The following FOXI2 variants were observed in gnomAD, a reference collection of about 807,000 sequenced individuals.
FOXI2 encodes the protein forkhead box I2, also known as forkhead box protein I2.
FOXI2 carries 17 observed loss-of-function variants against 14.3 expected under a neutral mutation model. The observed-to-expected ratio is 1.19, with a 90% CI of 0.81 to 1.78. The LOEUF is 1.78. FOXI2 is among the 40% of genes most tolerant of loss of function. FOXI2 has a pLI of 0.00. For missense variants in FOXI2, 541 were observed against 460.0 expected (o/e 1.18, Z -1.61); for synonymous variants, 240 against 218.8 (o/e 1.10, Z -0.85).
At position 127,737,683 on chromosome 10, in the gene FOXI2, C is replaced by T; in HGVS notation, c.410C>T (p.Pro137Leu). 1 of 1,602,106 alleles carries T rather than the reference C, an allele frequency of 6.2e-7. No homozygotes were observed. Among genetic ancestry groups the T allele is most frequent in the African/African-American group, 1.3e-5 (1 of 74,712 alleles). The stretch of plus-strand genomic sequence containing the variant: ...TACCAGTACGTGGCTGGTAACTTCC[C>T]TTTCTACAAGCGCAGCAAGGCGGGC... ...QIYQYVAGNFPFYKRSKAGWQ... is the reference protein window; with the variant it reads ...QIYQYVAGNFLFYKRSKAGWQ... Residue 137 changes from proline to leucine, a missense_variant, in exon 1 of 2, where the codon CCT (proline) becomes CTT (leucine). Physicochemically the swap from Pro to Leu is moderately conservative, Grantham distance 98 (BLOSUM62 -3). Transcript: ENST00000388920.
rs1452492029 is a variant in FOXI2, at chr10:127,738,615, G to T, written c.607G>T (p.Ala203Ser). The change falls in exon 2 of 2, where the codon GCG (alanine) becomes TCG (serine). Residue 203 changes from alanine to serine, a missense_variant. Ala to Ser is a moderately conservative substitution (Grantham distance 99). Transcript: ENST00000388920. ...RKRKRRAEASAAVRSGARSVG... is the reference protein window; with the variant it reads ...RKRKRRAEASSAVRSGARSVG... The stretch of plus-strand genomic sequence containing the variant: ...GAGGAAGAGGAGAGCTGAAGCCAGC[G>T]CGGCCGTGCGCTCGGGAGCCAGGAG... 1 of 1,607,592 alleles carries T rather than the reference G, an allele frequency of 6.2e-7. No individual in the cohort carries two copies. The highest frequency in any genetic ancestry group is 1.1e-5 in the South Asian group (1 of 90,088).
rs1763166313 is a variant in FOXI2, at chr10:127,740,144, T to TGC, written c.*1179_*1180insGC. 1 of 107,058 alleles carries TGC rather than the reference T, an allele frequency of 9.3e-6. No individual in the cohort carries two copies. Among genetic ancestry groups the TGC allele is most frequent in the Admixed American group, 8.9e-5 (1 of 11,260 alleles). 6.6% of individuals were successfully genotyped at this position (107,058 alleles called of 1,614,324 possible). On this transcript the variant is annotated 3_prime_UTR_variant, in exon 2 of 2. Coordinates refer to ENST00000388920, the MANE Select transcript of FOXI2 (RefSeq NM_207426.3). ...TCACACCCACACACACCCACACTCA[T>TGC]ACTCACACCCACACCCACACTCATA...
rs75488244 is a variant in FOXI2, at chr10:127,740,271, A to T, written c.*1306A>T. The T allele has an allele frequency of 0.045, 6,841 of 152,126 alleles. 421 individuals carry two copies. The highest frequency in any genetic ancestry group is 0.16 in the East Asian group (826 of 5,120). The allele number at this position is 152,126 out of a possible 1,614,324, so 9.4% of individuals were successfully genotyped here. A position where few individuals can be genotyped will look rare whatever the true frequency, so the allele number is the denominator to read the frequency against. On this transcript the variant is annotated 3_prime_UTR_variant, in exon 2 of 2. Coordinates refer to ENST00000388920, the MANE Select transcript of FOXI2 (RefSeq NM_207426.3). ...CTTGTTTTGGTCTCTTTCCCCTCCA[A>T]ACCCACAGTTTGAGCCAAAGCTGTG...
At position 127,737,529 on chromosome 10, in the gene FOXI2, C is replaced by G; in HGVS notation, c.256C>G (p.Leu86Val). The G allele has an allele frequency of 6.9e-7, 1 of 1,458,644 alleles. No homozygotes were observed. Among genetic ancestry groups the G allele is most frequent in the Non-Finnish European group, 9.0e-7 (1 of 1,110,078 alleles). The allele number at this position is 1,458,644 out of a possible 1,614,324, so 90.4% of individuals were successfully genotyped here. A position where few individuals can be genotyped will look rare whatever the true frequency, so the allele number is the denominator to read the frequency against. Residue 86 changes from leucine (L) to valine (V), a missense_variant, in exon 1 of 2, where the codon CTC (leucine) becomes GTC (valine). Coordinates refer to ENST00000388920, the MANE Select transcript of FOXI2 (RefSeq NM_207426.3). ...CCCGGGCGGCCTGGCGGGCGCCGAC[C>G]TCGCCTGGCTGAGCCTCTCCGGCCA... ...GAPGGLAGAD[L>V]AWLSLSGQQE... is the part of the protein sequence containing the mutation.
Position 127,740,425 on chromosome 10 carries a change from G to C in FOXI2, c.*1460G>C, listed in dbSNP as rs1333506434. The C allele has an allele frequency of 3.3e-5, 5 of 152,152 alleles. No individual in the cohort carries two copies. The highest frequency in any genetic ancestry group is 5.9e-5 in the Non-Finnish European group (4 of 68,076). 9.4% of individuals were successfully genotyped at this position (152,152 alleles called of 1,614,324 possible). A position where few individuals can be genotyped will look rare whatever the true frequency, so the allele number is the denominator to read the frequency against. On this transcript the variant is annotated 3_prime_UTR_variant, in exon 2 of 2. Coordinates refer to ENST00000388920, the MANE Select transcript of FOXI2 (RefSeq NM_207426.3). ...CAGTCACTGGGAAGAGGAATTTTTT[G>C]GCCTCTGTACTCCTTAGAGGACCTA...
rs912198027 is a variant in FOXI2, at chr10:127,739,072, T to A, written c.*107T>A. The A allele has an allele frequency of 1.3e-5, 13 of 1,019,530 alleles. No homozygotes were observed. Among genetic ancestry groups the A allele is most frequent in the African/African-American group, 3.2e-5 (2 of 61,562 alleles). The allele number at this position is 1,019,530 out of a possible 1,614,324, so 63.2% of individuals were successfully genotyped here. Reference sequence around the variant, plus strand: ...GTTGGCGTTGAAGGCCTTGGTGCCCTGGGAGGAAGCGCAGAGCCGGGGGCG... The same window carrying A: ...GTTGGCGTTGAAGGCCTTGGTGCCCAGGGAGGAAGCGCAGAGCCGGGGGCG... On this transcript the variant is annotated 3_prime_UTR_variant, in exon 2 of 2. Transcript: ENST00000388920.
In FOXI2 at chr10:127,737,481, G is replaced by T. The variant is rs562046749; in HGVS notation, c.208G>T (p.Ala70Ser). 40 of 1,389,890 alleles carry T rather than the reference G, an allele frequency of 2.9e-5. No homozygotes were observed. The highest frequency in any genetic ancestry group is 3.6e-5 in the Non-Finnish European group (39 of 1,083,436). The allele number at this position is 1,389,890 out of a possible 1,614,324, so 86.1% of individuals were successfully genotyped here. A position where few individuals can be genotyped will look rare whatever the true frequency, so the allele number is the denominator to read the frequency against. Residue 70 changes from alanine to serine, a missense_variant, in exon 1 of 2, where the codon GCT becomes TCT. Coordinates refer to ENST00000388920, the MANE Select transcript of FOXI2 (RefSeq NM_207426.3). ...GCCCTACGCGGCCCCGAGCTACGGG[G>T]CTCCCGGCCCGCTCCTCGGCGCCCC... is the stretch of plus-strand genomic sequence containing the variant. ...APPYAAPSYG[A>S]PGPLLGAPGG...
rs1409831643 is a variant in FOXI2, at chr10:127,739,907, A to C, written c.*942A>C. ...CACACCCACACCCACACTCACACACACTCACACCCACACCCACACTCACAC... is the reference window on the plus strand; with the variant it reads ...CACACCCACACCCACACTCACACACCCTCACACCCACACCCACACTCACAC... On this transcript the variant is annotated 3_prime_UTR_variant, in exon 2 of 2. Transcript: ENST00000388920. 1 of 18,536 alleles carries C rather than the reference A, an allele frequency of 5.4e-5. No individual in the cohort carries two copies. Among genetic ancestry groups the C allele is most frequent in the Admixed American group, 1.1e-3 (1 of 922 alleles). The allele number at this position is 18,536 out of a possible 1,614,324, so 1.1% of individuals were successfully genotyped here.
Position 127,738,922 on chromosome 10 carries a change from G to A in FOXI2, c.914G>A (p.Arg305His). Residue 305 changes from arginine to histidine, a missense_variant, in exon 2 of 2, where the codon CGC (arginine) becomes CAC (histidine). Transcript: ENST00000388920. ...PGHQTAAAGF[R>H]LSHLLYSREG... ...CACCAGACCGCGGCCGCCGGCTTCC[G>A]CCTCAGTCACCTCCTCTACAGCCGG... is the stretch of plus-strand genomic sequence containing the variant. The A allele has an allele frequency of 2.5e-6, 4 of 1,602,654 alleles. No homozygotes were observed. Among genetic ancestry groups the A allele is most frequent in the Non-Finnish European group, 2.5e-6 (3 of 1,179,486 alleles).
Position 127,740,308 on chromosome 10 carries a change from A to AGCTCCTGAACAGCAG in FOXI2, c.*1344_*1358dup, listed in dbSNP as rs1351877395. ...GAGCCAAAGCTGTGCGTGTGTTCAG[A>AGCTCCTGAACAGCAG]GCTCCTGAACAGCAGCCTCCTGTGT... On this transcript the variant is annotated 3_prime_UTR_variant, in exon 2 of 2. Transcript: ENST00000388920. 3 of 152,202 alleles carry AGCTCCTGAACAGCAG rather than the reference A, an allele frequency of 2.0e-5. No homozygotes were observed. The highest frequency in any genetic ancestry group is 7.2e-5 in the African/African-American group (3 of 41,446). 9.4% of individuals were successfully genotyped at this position (152,202 alleles called of 1,614,324 possible).
intron 1 of FOXI2, 100 bp downstream of exon 1, chr10:127,737,884 T>C: frequency 6.7e-7 from 1 of 1,501,206 alleles, no homozygotes; most frequent in Non-Finnish European, 8.9e-7. Flanking sequence ...ACCTAATTTC[T>C]CCCTGCGCGG....
intron 1 of FOXI2, 112 bp downstream of exon 1, chr10:127,737,896 T>G: frequency 6.8e-7 from 1 of 1,476,136 alleles, no homozygotes; most frequent in Non-Finnish European, 9.1e-7. Flanking sequence ...CCTGCGCGGT[T>G]GGGGATACCC....
Position 127,739,817 on chromosome 10 carries a change from A to ACACCCACACCCACACC in FOXI2, c.*856_*871dup. On this transcript the variant is annotated 3_prime_UTR_variant, in exon 2 of 2. Transcript: ENST00000388920. ...CACACTCACACCCACACTCACACCC[A>ACACCCACACCCACACC]CACCCACACCCACACCCACACTCAC... is the stretch of plus-strand genomic sequence containing the variant. 1.0e-5 allele frequency: 1 copy of ACACCCACACCCACACC among 97,538 alleles called. No homozygotes were observed. The highest frequency in any genetic ancestry group is 4.3e-5 in the African/African-American group (1 of 23,410). The allele number at this position is 97,538 out of a possible 1,614,324, so 6.0% of individuals were successfully genotyped here.
In FOXI2 at chr10:127,738,768, G is replaced by A. The variant is rs754073790; in HGVS notation, c.760G>A (p.Ala254Thr). The A allele has an allele frequency of 6.2e-6, 10 of 1,604,836 alleles. No individual in the cohort carries two copies. The highest frequency in any genetic ancestry group is 8.5e-6 in the Non-Finnish European group (10 of 1,176,502). ...CTCCGGTTTCGCTTCTGCTATGAGC[G>A]CTCTGGCTGGCGGCCTTGGCACCTT... ...CFSGFASAMS[A>T]LAGGLGTFPG... Residue 254 changes from alanine (A) to threonine (T), a missense_variant, in exon 2 of 2, where the codon GCT becomes ACT. Coordinates refer to ENST00000388920, the MANE Select transcript of FOXI2 (RefSeq NM_207426.3).
Position 127,739,013 on chromosome 10 carries a change from A to T in FOXI2, c.*48A>T. 6.7e-7 allele frequency: 1 copy of T among 1,498,332 alleles called. No homozygotes were observed. The highest frequency in any genetic ancestry group is 9.0e-7 in the Non-Finnish European group (1 of 1,109,470). 92.8% of individuals were successfully genotyped at this position (1,498,332 alleles called of 1,614,324 possible). A position where few individuals can be genotyped will look rare whatever the true frequency, so the allele number is the denominator to read the frequency against. On this transcript the variant is annotated 3_prime_UTR_variant, in exon 2 of 2. Transcript: ENST00000388920. ...GTGCGGGTCCAGAGGTGCTGAGCTC[A>T]GGCCTCCGGTTTCCCCTGGTGACAG...
rs1846504738 is a variant in FOXI2 at position 127,740,147 on chromosome 10, TCACA to T, written c.*1184_*1187del. 4.9e-4 allele frequency: 3 copies of T among 6,158 alleles called. No homozygotes were observed. The highest frequency in any genetic ancestry group is 6.6e-4 in the Non-Finnish European group (1 of 1,516). 0.4% of individuals were successfully genotyped at this position (6,158 alleles called of 1,614,324 possible). ...CACCCACACACACCCACACTCATACTCACACCCACACCCACACTCATACTCACAC... is the reference window on the plus strand; with the variant it reads ...CACCCACACACACCCACACTCATACTCCCACACCCACACTCATACTCACAC... On this transcript the variant is annotated 3_prime_UTR_variant, in exon 2 of 2. Coordinates refer to ENST00000388920, the MANE Select transcript of FOXI2 (RefSeq NM_207426.3).
chr10:127,740,246 CTTGTT>C lies in FOXI2; in HGVS notation c.*1285_*1289del, dbSNP rs1334806559. On this transcript the variant is annotated 3_prime_UTR_variant, in exon 2 of 2. Coordinates refer to ENST00000388920, the MANE Select transcript of FOXI2 (RefSeq NM_207426.3). ...TCACACAGGCTCATGGAAGGCCACA[CTTGTT>C]TTGGTCTCTTTCCCCTCCAAACCCA... 1 of 152,462 alleles carries C rather than the reference CTTGTT, an allele frequency of 6.6e-6. No homozygotes were observed. The highest frequency in any genetic ancestry group is 2.1e-4 in the South Asian group (1 of 4,828). 9.4% of individuals were successfully genotyped at this position (152,462 alleles called of 1,614,324 possible).
rs1406113454 is a variant in FOXI2 at position 127,737,347 on chromosome 10, C to G, written c.74C>G (p.Pro25Arg). The G allele has an allele frequency of 1.9e-5, 27 of 1,428,158 alleles. No individual in the cohort carries two copies. Among genetic ancestry groups the G allele is most frequent in the Non-Finnish European group, 2.2e-5 (24 of 1,106,036 alleles). The allele number at this position is 1,428,158 out of a possible 1,614,324, so 88.5% of individuals were successfully genotyped here. A position where few individuals can be genotyped will look rare whatever the true frequency, so the allele number is the denominator to read the frequency against. The change falls in exon 1 of 2, where the codon CCG becomes CGG. Residue 25 changes from proline to arginine, a missense_variant. Transcript: ENST00000388920. Reference protein sequence around the residue: ...PGQAQATAHPPGYEPGDLGAV... With the variant: ...PGQAQATAHPRGYEPGDLGAV... ...CAGGCCCAGGCCACCGCGCACCCCC[C>G]GGGCTATGAGCCAGGGGATCTGGGC...
In FOXI2 at chr10:127,737,386, GC is replaced by G. The variant is rs1323880246; in HGVS notation, c.118del (p.Leu40SerfsTer4). Reference protein sequence around the residue: ...EPGDLGAVGGGPLLWVNAPAL... With the variant: ...EPGDLGAVGGXPLLWVNAPAL... Reference sequence around the variant, plus strand: ...GGGGATCTGGGCGCGGTGGGCGGGGGCCCCCTCCTGTGGGTGAACGCGCCAG... The same window carrying G: ...GGGGATCTGGGCGCGGTGGGCGGGGGCCCCTCCTGTGGGTGAACGCGCCAG... On this transcript the variant is annotated frameshift_variant, in exon 1 of 2. Coordinates refer to ENST00000388920, the MANE Select transcript of FOXI2 (RefSeq NM_207426.3). LOFTEE classifies it high-confidence loss of function. 1 of 1,394,584 alleles carries G rather than the reference GC, an allele frequency of 7.2e-7. No homozygotes were observed. The highest frequency in any genetic ancestry group is 9.2e-7 in the Non-Finnish European group (1 of 1,088,612). 86.4% of individuals were successfully genotyped at this position (1,394,584 alleles called of 1,614,324 possible). A position where few individuals can be genotyped will look rare whatever the true frequency, so the allele number is the denominator to read the frequency against.
Sources: gnomAD v4.1 joint callset for allele counts on GRCh38, gnomAD v4.1.1 for gene constraint, MANE v1.5 for transcripts, NCBI Gene and HGNC (gene_info 2026-07-23, HGNC 2026-07-21) for gene names.